The following LOXHD1 variants were observed in gnomAD, a reference collection of about 807,000 sequenced individuals.
LOXHD1 encodes the protein lipoxygenase homology PLAT domains 1, also known as lipoxygenase homology domain-containing protein 1.
A neutral mutation model predicts 248.2 loss-of-function variants in LOXHD1; 205 were observed. The observed-to-expected ratio is 0.83, with a 90% CI of 0.74 to 0.93. The LOEUF is 0.93. LOXHD1 is among the 40% of genes least tolerant of loss of function. LOXHD1 has a pLI of 0.00. For missense variants in LOXHD1, 2,930 were observed against 2,971.6 expected, an observed-to-expected ratio of 0.99 and a Z score of 0.33; for synonymous variants, 1,113 against 1,162.8, an observed-to-expected ratio of 0.96 and a Z score of 0.87.
intron 37 of LOXHD1, among the ~76,000 whole-genome samples, chr18:46,496,490 T>C (rs185093628): frequency 1.3e-5 from 2 of 152,318 alleles, no homozygotes. Context: ...TACGTGTCTA[T>C]GCAAGGGAAG....
chr18:46,650,905 C>T (rs1568235413), intron 1 of LOXHD1, among the ~76,000 whole-genome samples: 2 of 152,260 alleles, frequency 1.3e-5, no homozygotes, highest in South Asian at 2.1e-4. Context: ...TGGACAAGTG[C>T]CAGCCTCTCT....
At chr18:46,625,616 T>C (rs1189909837) in intron 4 of LOXHD1, among the ~76,000 whole-genome samples, 2 of 152,202 alleles carry the variant, frequency 1.3e-5, no homozygotes, top group African/African-American at 4.8e-5. Context: ...TTGAACAAGC[T>C]TGCCCTATAC....
At chr18:46,560,048 T>TGGCGGGCCCC in intron 19 of LOXHD1, 35 bp downstream of exon 19, 3 of 1,226,294 alleles carry the variant, frequency 2.4e-6, no homozygotes, top group African/African-American at 1.6e-5. Flanking sequence ...GTCTGGCCAC[T>TGGCGGGCCCC]CCCTCCCCAC....
chr18:46,656,515 C>T (rs553759472), intron 1 of LOXHD1, among the ~76,000 whole-genome samples: 1 of 152,278 alleles, frequency 6.6e-6, no homozygotes, highest in Admixed American at 6.5e-5. Context: ...GGCTTCCTCC[C>T]CAAGACATCC....
chr18:46,653,516 C>T (rs566863220), intron 1 of LOXHD1, among the ~76,000 whole-genome samples: 1 of 152,266 alleles, frequency 6.6e-6, no homozygotes, highest in East Asian at 1.9e-4. Context: ...AAGACAGATA[C>T]CTTGTGGAGG....
intron 4 of LOXHD1, 32 bp downstream of exon 4, chr18:46,639,584 G>C (rs1312397338): frequency 6.5e-7 from 1 of 1,537,232 alleles, no homozygotes; most frequent in Non-Finnish European, 8.8e-7. Context: ...CAGCTAGGGA[G>C]GGATGGCAGG....
chr18:46,524,383 C>T, intron 31 of LOXHD1, 83 bp downstream of exon 31: 3 of 1,495,460 alleles, frequency 2.0e-6, no homozygotes, highest in Non-Finnish European at 2.7e-6. Flanking sequence ...GATGGTGGGG[C>T]TCAAGAATGG....
intron 25 of LOXHD1, among the ~76,000 whole-genome samples, chr18:46,540,725 C>T (rs2036525873): frequency 1.5e-5 from 2 of 129,078 alleles, no homozygotes; most frequent in Non-Finnish European, 3.1e-5. Flanking sequence ...TACGTTTGTC[C>T]TCAAGGGTCC....
chr18:46,642,084 G>T, intron 2 of LOXHD1, 48 bp from the exon 3 acceptor site: 2 of 1,507,254 alleles, frequency 1.3e-6, no homozygotes, highest in Non-Finnish European at 1.8e-6. Context: ...TGGCTCACAG[G>T]CCTGGGAGGA....
chr18:46,542,252 T>TG (rs2036593169), intron 24 of LOXHD1, among the ~76,000 whole-genome samples: 1 of 152,144 alleles, frequency 6.6e-6, no homozygotes, highest in Admixed American at 6.5e-5. Flanking sequence ...CTGTCCTTCC[T>TG]TGAAGAAGGG....
chr18:46,652,927 C>A (rs1247702160), intron 1 of LOXHD1, among the ~76,000 whole-genome samples: 1 of 152,204 alleles, frequency 6.6e-6, no homozygotes, highest in African/African-American at 2.4e-5. Flanking sequence ...TAGACCCACA[C>A]AAATGTGCAC....
chr18:46,524,576 T>C lies in LOXHD1; in HGVS notation c.4766A>G (p.Asn1589Ser). 2 of 1,551,720 alleles carry C rather than the reference T, an allele frequency of 1.3e-6. No homozygotes were observed. Among genetic ancestry groups the C allele is most frequent in the East Asian group, 2.4e-5 (1 of 40,904 alleles). Reference protein sequence around the residue: ...EKEYTGDRSSNCSSPADFWEI... With the variant: ...EKEYTGDRSSSCSSPADFWEI... Reference sequence around the variant, plus strand: ...CCAGAAGTCAGCAGGGCTGCTGCAGTTGCTGCTGCGGTCCCCAGTGTACTC... The same window carrying C: ...CCAGAAGTCAGCAGGGCTGCTGCAGCTGCTGCTGCGGTCCCCAGTGTACTC... Residue 1589 changes from asparagine to serine, a missense_variant, in exon 31 of 41, where the codon AAC becomes AGC. Transcript: ENST00000642948.
intron 37 of LOXHD1, among the ~76,000 whole-genome samples, chr18:46,505,054 AAGCATTCCTT>A (rs535454294): frequency 6.6e-6 from 1 of 152,250 alleles, no homozygotes; most frequent in Non-Finnish European, 1.5e-5. Context: ...AGAAATGACA[AAGCATTCCTT>A]AGGCACTGCA....
In LOXHD1 at chr18:46,657,023, T is replaced by C; in HGVS notation, c.11A>G (p.Gln4Arg). 1 of 1,551,690 alleles carries C rather than the reference T, an allele frequency of 6.4e-7. No individual in the cohort carries two copies. The highest frequency in any genetic ancestry group is 8.7e-7 in the Non-Finnish European group (1 of 1,146,960). ...GTCCTTCTTCCTCCGCCTTTTCTTC[T>C]GGGGCATCATTCTGTCGGCTGCCTT... is the stretch of plus-strand genomic sequence containing the variant. The part of the protein sequence containing the change: MMP[Q>R]KKRRRKKDID... The change falls in exon 1 of 41, where the codon CAG (glutamine) becomes CGG (arginine). Residue 4 changes from glutamine (Q) to arginine (R), a missense_variant. Gln to Arg is a conservative substitution (Grantham distance 43). Coordinates refer to ENST00000642948, the MANE Select transcript of LOXHD1 (RefSeq NM_001384474.1).
At chr18:46,644,624 G>A (rs928961092) in intron 2 of LOXHD1, among the ~76,000 whole-genome samples, 16 of 152,172 alleles carry the variant, frequency 1.1e-4, no homozygotes, top group African/African-American at 3.4e-4. Context: ...AGGCTGAGGC[G>A]GGAGAATCAC....
intron 1 of LOXHD1, among the ~76,000 whole-genome samples, chr18:46,655,576 T>C (rs1032668926): frequency 7.2e-5 from 11 of 152,186 alleles, no homozygotes; most frequent in African/African-American, 2.7e-4. Context: ...GCACATGTAC[T>C]GTTAGAAGGT....
intron 12 of LOXHD1, among the ~76,000 whole-genome samples, chr18:46,584,106 C>T (rs2038014896): frequency 6.6e-6 from 1 of 151,878 alleles, no homozygotes; most frequent in African/African-American, 2.4e-5. Context: ...GCAGAAAGAC[C>T]AATACCAGTG....
At chr18:46,537,862 A>G (rs1568155230) in intron 26 of LOXHD1, among the ~76,000 whole-genome samples, 3 of 152,176 alleles carry the variant, frequency 2.0e-5, no homozygotes, top group South Asian at 4.1e-4. Context: ...ATAAGTGTCT[A>G]TTGTTGGAAG....
intron 1 of LOXHD1, among the ~76,000 whole-genome samples, chr18:46,653,420 T>TTAC (rs2039137919): frequency 6.6e-6 from 1 of 152,258 alleles, no homozygotes; most frequent in Non-Finnish European, 1.5e-5. Context: ...TTCATAAGTT[T>TTAC]TGTTCTGTAT....
Sources: gnomAD v4.1 joint callset for allele counts (sites outside exome capture counted in the v4.1 genomes callset) on GRCh38, gnomAD v4.1.1 for gene constraint, MANE v1.5 for transcripts, NCBI Gene and HGNC (gene_info 2026-07-23, HGNC 2026-07-21) for gene names.